GLI2: variants seen among roughly 807,000 people sequenced by gnomAD.
The protein encoded by GLI2 is transcription activator GLI2.
Under a neutral mutation model 78.9 loss-of-function variants are expected in GLI2, and 22 were observed. That is an observed-to-expected ratio of 0.28 (90% confidence interval 0.20 to 0.40). GLI2 has a LOEUF of 0.40. Ranked by LOEUF, GLI2 falls within the 10% of genes least tolerant of loss-of-function variation. The probability of loss-of-function intolerance (pLI) is 1.00; values close to 1 mark genes in which losing one functional copy is unlikely to be tolerated. For missense variants in GLI2, 2,097 were observed against 2,213.2 expected (o/e 0.95, Z 1.05); for synonymous variants, 974 against 963.7 (o/e 1.01, Z -0.20).
At chr2:120,818,484 CA>C (rs1197600703) in intron 2 of GLI2, among the ~76,000 whole-genome samples, 12 of 152,210 alleles carry the variant, frequency 7.9e-5, no homozygotes, top group Admixed American at 7.8e-4. Context: ...CTGAACCACA[CA>C]AGGCCGAGCT....
intron 2 of GLI2, among the ~76,000 whole-genome samples, chr2:120,821,033 C>G (rs940479828): frequency 3.9e-5 from 6 of 152,054 alleles, no homozygotes; most frequent in African/African-American, 9.7e-5. Flanking sequence ...GACCCACCCA[C>G]CTCCTCGAGG....
rs111664711 is a variant in GLI2, at chr2:120,756,885, T to C, written c.-31+20600T>C. Among the ~76,000 whole-genome samples, 154 of 152,356 alleles carry C rather than the reference T, an allele frequency of 1.0e-3. 1 individual carries two copies. Among genetic ancestry groups the C allele is most frequent in the African/African-American group, 3.5e-3 (147 of 41,596 alleles). On this transcript the variant is annotated intron_variant, in intron 1 of 13. Coordinates refer to ENST00000361492, the MANE Select transcript of GLI2 (RefSeq NM_001374353.1). ...TCTGTTTCTCCTTTGGGGACTCCAGTTACATGTATATTAGGCAGCTTGAAG... is the reference window on the plus strand; with the variant it reads ...TCTGTTTCTCCTTTGGGGACTCCAGCTACATGTATATTAGGCAGCTTGAAG...
chr2:120,751,393 A>G (rs1255278063), intron 1 of GLI2, among the ~76,000 whole-genome samples: 3 of 151,694 alleles, frequency 2.0e-5, no homozygotes, highest in South Asian at 2.1e-4. Context: ...ACAGTTTTGC[A>G]TCTCGTACTT....
Position 120,927,352 on chromosome 2 carries a change from C to G in GLI2, c.149-9C>G, listed in dbSNP as rs1362179613. The G allele has an allele frequency of 2.5e-6, 4 of 1,597,702 alleles. No individual in the cohort carries two copies. The highest frequency in any genetic ancestry group is 2.2e-5 in the South Asian group (2 of 90,730). ...TTTTGAAGTCTTGTTTCTCTCTCCC[C>G]CTCTGCAGTGCCGCAGCATCTCTTG... On this transcript the variant is annotated splice_polypyrimidine_tract_variant and intron_variant, in intron 2 of 13. Transcript: ENST00000361492.
intron 2 of GLI2, among the ~76,000 whole-genome samples, chr2:120,872,648 C>G (rs1246960712): frequency 6.6e-6 from 1 of 152,194 alleles, no homozygotes; most frequent in Non-Finnish European, 1.5e-5. Flanking sequence ...ACAAGCCAGC[C>G]CAGATTGGAG....
At chr2:120,867,343 G>C (rs964021128) in intron 2 of GLI2, 4 of 152,324 alleles carry the variant, frequency 2.6e-5, no homozygotes, top group Non-Finnish European at 4.4e-5. Context: ...CCCGCCAGCA[G>C]TGTGGCTGGA....
chr2:120,794,553 C>T (rs141767598), intron 1 of GLI2, among the ~76,000 whole-genome samples: 42 of 151,566 alleles, frequency 2.8e-4, no homozygotes, highest in African/African-American at 1.0e-3. Flanking sequence ...ACAGAGCAGC[C>T]AGCGGGAGAG....
chr2:120,831,858 G>A (rs1327507187), intron 2 of GLI2, among the ~76,000 whole-genome samples: 1 of 152,224 alleles, frequency 6.6e-6, no homozygotes, highest in Admixed American at 6.5e-5. Context: ...CCTGCGTGGA[G>A]TAAGGATGAA....
chr2:120,826,897 A>G (rs2104760209), intron 2 of GLI2, among the ~76,000 whole-genome samples: 1 of 152,262 alleles, frequency 6.6e-6, no homozygotes, highest in African/African-American at 2.4e-5. Flanking sequence ...ATGCTGGCAC[A>G]TTCTCCATAG....
At chr2:120,774,146 G>C in intron 1 of GLI2, among the ~76,000 whole-genome samples, 1 of 152,128 alleles carries the variant, frequency 6.6e-6, no homozygotes, top group East Asian at 1.9e-4. Context: ...TGTCTGTCCA[G>C]ATCTCAACCC....
chr2:120,863,722 T>C (rs542761959), intron 2 of GLI2, among the ~76,000 whole-genome samples: 2 of 152,202 alleles, frequency 1.3e-5, no homozygotes, highest in Non-Finnish European at 2.9e-5. Flanking sequence ...ATGTCGACCT[T>C]TGAGAACACA....
intron 2 of GLI2, among the ~76,000 whole-genome samples, chr2:120,925,215 A>G (rs1386307248): frequency 1.3e-5 from 2 of 152,232 alleles, no homozygotes; most frequent in Non-Finnish European, 2.9e-5. Flanking sequence ...ACGTGCCTGC[A>G]ACCAACTCCT....
At chr2:120,910,794 G>T (rs555496483) in intron 2 of GLI2, among the ~76,000 whole-genome samples, 14 of 152,248 alleles carry the variant, frequency 9.2e-5, no homozygotes, top group South Asian at 2.1e-4. Flanking sequence ...GTCCCTCCCG[G>T]ACTTGCCTCT....
intron 1 of GLI2, among the ~76,000 whole-genome samples, chr2:120,758,177 G>A (rs772434945): frequency 1.8e-4 from 28 of 152,202 alleles, no homozygotes; most frequent in Non-Finnish European, 3.5e-4. Context: ...TATCCGGGCC[G>A]CCTGGCCTTG....
At chr2:120,807,853 C>T (rs569117453) in intron 2 of GLI2, among the ~76,000 whole-genome samples, 1 of 152,188 alleles carries the variant, frequency 6.6e-6, no homozygotes, top group East Asian at 1.9e-4. Context: ...ACCACCCCCC[C>T]ACACACCTCC....
intron 2 of GLI2, among the ~76,000 whole-genome samples, chr2:120,799,395 T>C (rs1248341915): frequency 6.6e-6 from 1 of 152,182 alleles, no homozygotes; most frequent in African/African-American, 2.4e-5. Flanking sequence ...GCCTGTTAGC[T>C]TCAGAGCAGT....
At chr2:120,882,677 C>A (rs1222757960) in intron 2 of GLI2, among the ~76,000 whole-genome samples, 1 of 152,242 alleles carries the variant, frequency 6.6e-6, no homozygotes, top group Non-Finnish European at 1.5e-5. Flanking sequence ...TGACCGCCAT[C>A]CAGGACGTCC....
At chr2:120,799,005 A>T (rs1451800594) in intron 2 of GLI2, among the ~76,000 whole-genome samples, 1 of 152,194 alleles carries the variant, frequency 6.6e-6, no homozygotes, top group Admixed American at 6.5e-5. Flanking sequence ...CCATGAGTGG[A>T]TCATGAACCA....
At chr2:120,952,464 T>G (rs1681043566) in intron 4 of GLI2, among the ~76,000 whole-genome samples, 1 of 152,142 alleles carries the variant, frequency 6.6e-6, no homozygotes, top group Non-Finnish European at 1.5e-5. Context: ...GAGGCCTGGC[T>G]CTGAGAATGT....
Sources: allele counts gnomAD v4.1 joint callset (sites outside exome capture counted in the v4.1 genomes callset), GRCh38; gene constraint gnomAD v4.1.1; transcripts MANE v1.5; gene names NCBI Gene and HGNC (gene_info 2026-07-23, HGNC 2026-07-21).